The following SLIT3 variants were observed in gnomAD, a reference collection of about 807,000 sequenced individuals.
SLIT3 encodes slit guidance ligand 3.
Under a neutral mutation model 184.0 loss-of-function variants are expected in SLIT3, and 68 were observed. That is an observed-to-expected ratio of 0.37 (90% CI 0.30 to 0.45). The LOEUF is 0.45. SLIT3 is among the 20% of genes least tolerant of loss of function. The probability of loss-of-function intolerance (pLI) is 1.00; values close to 1 mark genes in which losing one functional copy is unlikely to be tolerated. For missense variants in SLIT3, 1,707 were observed against 2,026.0 expected, an observed-to-expected ratio of 0.84 and a Z score of 3.02; for synonymous variants, 831 against 828.6, an observed-to-expected ratio of 1.00 and a Z score of -0.05.
chr5:168,708,836 C>G (rs1580987235), intron 25 of SLIT3, among the ~76,000 whole-genome samples: 1 of 152,166 alleles, frequency 6.6e-6, no homozygotes, highest in Non-Finnish European at 1.5e-5. Flanking sequence ...TTGGGGTTAA[C>G]AGTTATCAAC....
intron 1 of SLIT3, among the ~76,000 whole-genome samples, chr5:169,268,941 TC>T (rs1261985312): frequency 2.6e-5 from 4 of 152,172 alleles, no homozygotes; most frequent in Non-Finnish European, 5.9e-5. Flanking sequence ...ATCACCATCA[TC>T]GTATGTTATT....
chr5:168,968,001 AT>A (rs1763273431), intron 4 of SLIT3, among the ~76,000 whole-genome samples: 1 of 152,172 alleles, frequency 6.6e-6, no homozygotes, highest in Non-Finnish European at 1.5e-5. Context: ...TCTGGCAGGC[AT>A]TCAAATTCCT....
intron 2 of SLIT3, among the ~76,000 whole-genome samples, chr5:169,250,813 TCTTATCACTCA>T (rs71885544): frequency 0.015 from 2,327 of 152,340 alleles, 22 homozygotes; most frequent in Middle Eastern, 0.031. Flanking sequence ...TTGGGAAGTT[TCTTATCACTCA>T]CAGACTTAAG....
intron 23 of SLIT3, among the ~76,000 whole-genome samples, chr5:168,721,825 G>A (rs1762951018): frequency 1.3e-5 from 2 of 152,172 alleles, no homozygotes; most frequent in African/African-American, 2.4e-5. Context: ...TCTGGGGTAG[G>A]AGCTGTTTCC....
At chr5:169,276,611 T>C (rs779961386) in intron 1 of SLIT3, among the ~76,000 whole-genome samples, 2 of 152,240 alleles carry the variant, frequency 1.3e-5, no homozygotes, top group African/African-American at 2.4e-5. Flanking sequence ...CAGCTGACTC[T>C]ACCTGCCAAA....
At chr5:168,743,233 T>C (rs1763693351) in intron 20 of SLIT3, among the ~76,000 whole-genome samples, 1 of 152,134 alleles carries the variant, frequency 6.6e-6, no homozygotes, top group Non-Finnish European at 1.5e-5. Context: ...TTGCACTTTG[T>C]AGATATTGCG....
intron 4 of SLIT3, among the ~76,000 whole-genome samples, chr5:169,123,554 A>T (rs1352540795): frequency 6.6e-6 from 1 of 152,230 alleles, no homozygotes; most frequent in African/African-American, 2.4e-5. Context: ...GACTGCAAAA[A>T]TAAAGTTGAA....
intron 4 of SLIT3, among the ~76,000 whole-genome samples, chr5:169,109,661 G>A (rs1188855242): frequency 1.3e-5 from 2 of 152,202 alleles, no homozygotes; most frequent in East Asian, 1.9e-4. Flanking sequence ...GGACTCTCAT[G>A]AGACTAAGTT....
rs756813959 is a variant in SLIT3 at position 168,685,837 on chromosome 5, G to A, written c.3405C>T (p.Ile1135=). 24 of 1,613,802 alleles carry A rather than the reference G, an allele frequency of 1.5e-5. No individual in the cohort carries two copies. The highest frequency in any genetic ancestry group is 3.3e-5 in the Admixed American group (2 of 59,996). Reference sequence around the variant, plus strand: ...GGCAGGTGGGCTCCTGCTGCACCACGATGCACTGGGCCCCGTTCTGGCACT... The same window carrying A: ...GGCAGGTGGGCTCCTGCTGCACCACAATGCACTGGGCCCCGTTCTGGCACT... ...QYECQNGAQC[I]VVQQEPTCRC... Residue 1135 remains isoleucine, a synonymous_variant, in exon 31 of 36, where the codon ATC becomes ATT. Coordinates refer to ENST00000519560, the MANE Select transcript of SLIT3 (RefSeq NM_003062.4).
intron 4 of SLIT3, among the ~76,000 whole-genome samples, chr5:168,894,161 A>G (rs1760573707): frequency 6.6e-6 from 1 of 152,174 alleles, no homozygotes; most frequent in South Asian, 2.1e-4. Context: ...TTATCAAAAA[A>G]CCTAAAGGCA....
chr5:169,122,072 T>C (rs893381477), intron 4 of SLIT3, among the ~76,000 whole-genome samples: 4 of 152,120 alleles, frequency 2.6e-5, no homozygotes, highest in Non-Finnish European at 5.9e-5. Context: ...GGGTGAGGAG[T>C]TGGCCAGCTT....
At chr5:168,746,018 T>G (rs1030440778) in intron 20 of SLIT3, among the ~76,000 whole-genome samples, 4 of 152,176 alleles carry the variant, frequency 2.6e-5, no homozygotes, top group Non-Finnish European at 5.9e-5. Context: ...GGTACATTGG[T>G]TTTTTTCCAA....
chr5:168,783,902 A>G (rs964052026), intron 12 of SLIT3, among the ~76,000 whole-genome samples: 1 of 152,184 alleles, frequency 6.6e-6, no homozygotes, highest in African/African-American at 2.4e-5. Flanking sequence ...ACTCGATTCC[A>G]TCTGCTCAAA....
intron 4 of SLIT3, chr5:169,022,619 C>T (rs1756644322): frequency 6.6e-6 from 1 of 152,120 alleles, no homozygotes; most frequent in South Asian, 2.1e-4. Flanking sequence ...AGACTGAAAA[C>T]TCAAGAAAGG....
intron 4 of SLIT3, among the ~76,000 whole-genome samples, chr5:168,944,755 CTA>C (rs1762421896): frequency 1.3e-5 from 2 of 152,152 alleles, no homozygotes; most frequent in Admixed American, 6.5e-5. Flanking sequence ...TGTCCATTGT[CTA>C]TGGGTGAAAG....
intron 4 of SLIT3, among the ~76,000 whole-genome samples, chr5:169,047,904 G>A (rs766230492): frequency 6.6e-6 from 1 of 151,944 alleles, no homozygotes; most frequent in Non-Finnish European, 1.5e-5. Context: ...GCAGGAACTA[G>A]GTGACAGTCA....
intron 4 of SLIT3, among the ~76,000 whole-genome samples, chr5:168,980,218 A>C (rs531580332): frequency 2.0e-4 from 31 of 152,056 alleles, no homozygotes; most frequent in African/African-American, 7.5e-4. Flanking sequence ...TCCAGCCCCC[A>C]CGCCCTCTCC....
rs545145454 is a variant in SLIT3, at chr5:168,998,944, C to T, written c.414-115608G>A. Among the ~76,000 whole-genome samples the T allele has an allele frequency of 9.3e-5, 14 of 150,982 alleles. No homozygotes were observed. The East Asian group carries it at 2.0e-3, about 21-fold the overall frequency. On this transcript the variant is annotated intron_variant, in intron 4 of 35. Coordinates refer to ENST00000519560, the MANE Select transcript of SLIT3 (RefSeq NM_003062.4). Reference sequence around the variant, plus strand: ...GTGTGTGTGTTTTGAGACAGGATCTCGCTCTTTTGCCCAGGCTGGAGTGCA... The same window carrying T: ...GTGTGTGTGTTTTGAGACAGGATCTTGCTCTTTTGCCCAGGCTGGAGTGCA...
intron 3 of SLIT3, among the ~76,000 whole-genome samples, chr5:169,209,029 T>C (rs1455164586): frequency 6.6e-6 from 1 of 152,166 alleles, no homozygotes; most frequent in East Asian, 1.9e-4. Flanking sequence ...ACTTACAGAA[T>C]GGGAGAAAAT....
Sources: allele counts gnomAD v4.1 joint callset (sites outside exome capture counted in the v4.1 genomes callset), GRCh38; gene constraint gnomAD v4.1.1; transcripts MANE v1.5; gene names NCBI Gene and HGNC (gene_info 2026-07-23, HGNC 2026-07-21).